Variants in PGC observed in about 807,000 individuals in gnomAD.
PGC encodes gastricsin.
Under a neutral mutation model 45.9 loss-of-function variants are expected in PGC, and 31 were observed. The ratio of observed to expected loss-of-function variants is 0.67; its 90% CI spans 0.51 to 0.91. The LOEUF is 0.91. Ranked by LOEUF, PGC falls within the 40% of genes least tolerant of loss-of-function variation. PGC has a pLI of 0.00. For synonymous variants in PGC, 192 were observed against 201.8 expected (o/e 0.95, Z 0.41); for missense variants, 477 against 493.2 (o/e 0.97, Z 0.31).
intron 7 of PGC, among the ~76,000 whole-genome samples, chr6:41,738,192 A>ATATATATACG (rs1771740115): frequency 5.5e-5 from 1 of 18,072 alleles, no homozygotes; most frequent in African/African-American, 9.9e-5. Context: ...ATATATATGC[A>ATATATATACG]TATATATATG....
rs1247590922 is a variant in PGC at position 41,744,045 on chromosome 6, A to G, written c.328+352T>C. ...GGTGGAGCAGAATAGAATGGAGTAG[A>G]ATGGAGTGGGATGGAGTGGGATGGA... On this transcript the variant is annotated intron_variant, in intron 3 of 8. Coordinates refer to ENST00000373025, the MANE Select transcript of PGC (RefSeq NM_002630.4). The surrounding 1 kb of genome is among the most constrained non-coding windows in gnomAD (Gnocchi z 4.4). 3.3e-5 allele frequency among the ~76,000 whole-genome samples: 5 copies of G among 152,042 alleles called. No homozygotes were observed. Among genetic ancestry groups the G allele is most frequent in the African/African-American group, 1.2e-4 (5 of 41,360 alleles).
At chr6:41,741,083 C>A (rs1461613429) in intron 5 of PGC, 1 of 1,537,234 alleles carries the variant, frequency 6.5e-7, no homozygotes, top group South Asian at 1.2e-5. Context: ...GTAGACATGT[C>A]ACCGGGATCC....
At chr6:41,741,287 CAG>C in intron 5 of PGC, 1 of 1,364,000 alleles carries the variant, frequency 7.3e-7, no homozygotes, top group Non-Finnish European at 9.7e-7. Context: ...ACATTAGTAA[CAG>C]GGTGAGGTCC....
At chr6:41,741,168 T>G in intron 5 of PGC, 1 of 1,535,420 alleles carries the variant, frequency 6.5e-7, no homozygotes, top group Non-Finnish European at 8.7e-7. Context: ...GGTAAGGATA[T>G]TCCATGTTTG....
Position 41,736,774 on chromosome 6 carries a change from G to T in PGC, c.*78C>A. On this transcript the variant is annotated 3_prime_UTR_variant, in exon 9 of 9. Coordinates refer to ENST00000373025, the MANE Select transcript of PGC (RefSeq NM_002630.4). ...CCAGAAAAAGAAGGCTGAATCCAGAGTGGAAAGACAGATACAATGCCCTAG... is the reference window on the plus strand; with the variant it reads ...CCAGAAAAAGAAGGCTGAATCCAGATTGGAAAGACAGATACAATGCCCTAG... 7.0e-7 allele frequency: 1 copy of T among 1,423,034 alleles called. No individual in the cohort carries two copies. Among genetic ancestry groups the T allele is most frequent in the African/African-American group, 1.4e-5 (1 of 71,260 alleles). The allele number at this position is 1,423,034 out of a possible 1,614,324, so 88.2% of individuals were successfully genotyped here.
At position 41,742,428 on chromosome 6, in the gene PGC, T is replaced by C. The variant is rs1771846595; in HGVS notation, c.509A>G (p.Asn170Ser). ...FGLSENEPGT[N>S]FVYAQFDGIM... ...GCCATCAAACTGCGCATAGACGAAGTTGGTACCAGGCTCATTCTCACTCAA... is the reference window on the plus strand; with the variant it reads ...GCCATCAAACTGCGCATAGACGAAGCTGGTACCAGGCTCATTCTCACTCAA... Residue 170 changes from asparagine to serine, a missense_variant, in exon 5 of 9, where the codon AAC becomes AGC. Asn to Ser is a conservative substitution (Grantham distance 46). Transcript: ENST00000373025. The C allele has an allele frequency of 1.9e-6, 3 of 1,614,084 alleles. No individual in the cohort carries two copies. In the East Asian group the frequency reaches 6.7e-5, roughly 36 times the overall value.
In PGC at chr6:41,742,465, G is replaced by C; in HGVS notation, c.472C>G (p.Gln158Glu). The change falls in exon 5 of 9, where the codon CAG becomes GAG. Residue 158 changes from glutamine to glutamate, a missense_variant. Physicochemically the swap from Gln to Glu is conservative, Grantham distance 29 (BLOSUM62 2). Transcript: ENST00000373025. ...LTVQSIQVPN[Q>E]EFGLSENEPG... ...TCATTCTCACTCAAGCCGAACTCCT[G>C]GTTGGGGACCTGGATGCTCTGGACC... 1.2e-6 allele frequency: 2 copies of C among 1,614,170 alleles called. No homozygotes were observed. Among genetic ancestry groups the C allele is most frequent in the Non-Finnish European group, 1.7e-6 (2 of 1,180,018 alleles).
At position 41,736,902 on chromosome 6, in the gene PGC, A is replaced by C; in HGVS notation, c.1117T>G (p.Ser373Ala). ...LGDVFLRSYY[S>A]VYDLGNNRVG... is the part of the protein sequence containing the mutation. ...CTGTTGTTGCCCAAGTCGTAGACGG[A>C]ATAGTAGGACCTGAGGAAGACATCC... Residue 373 changes from serine to alanine, a missense_variant, in exon 9 of 9, where the codon TCC (serine) becomes GCC (alanine). Transcript: ENST00000373025. The C allele has an allele frequency of 6.2e-7, 1 of 1,614,146 alleles. No homozygotes were observed. The highest frequency in any genetic ancestry group is 8.5e-7 in the Non-Finnish European group (1 of 1,180,014).
chr6:41,747,097 G>A (rs1340030650), intron 1 of PGC, among the ~76,000 whole-genome samples, 179 bp downstream of exon 1: 3 of 152,218 alleles, frequency 2.0e-5, no homozygotes, highest in African/African-American at 7.2e-5. Context: ...CCTGAAGGCA[G>A]GGGCTGTGTC....
rs532583639 is a variant in PGC, at chr6:41,744,886, C to G, written c.60-78G>C. The G allele has an allele frequency of 9.1e-6, 12 of 1,317,426 alleles. No individual in the cohort carries two copies. Among genetic ancestry groups the G allele is most frequent in the Non-Finnish European group, 1.3e-5 (12 of 949,846 alleles). The allele number at this position is 1,317,426 out of a possible 1,614,324, so 81.6% of individuals were successfully genotyped here. On this transcript the variant is annotated intron_variant, in intron 1 of 8. Transcript: ENST00000373025. The surrounding 1 kb of genome is among the most constrained non-coding windows in gnomAD (Gnocchi z 4.4). ...CTCCTCTCTTTCTCTCTCTCCTTCTCTTAACTGCATGCTTCAACCTCCCTG... is the reference window on the plus strand; with the variant it reads ...CTCCTCTCTTTCTCTCTCTCCTTCTGTTAACTGCATGCTTCAACCTCCCTG...
At position 41,737,906 on chromosome 6, in the gene PGC, A is replaced by T. The variant is rs527343642; in HGVS notation, c.916-78T>A. 3.3e-4 allele frequency: 283 copies of T among 861,680 alleles called. No individual in the cohort carries two copies. In the African/African-American group the frequency reaches 3.8e-3, roughly 12 times the overall value. 53.4% of individuals were successfully genotyped at this position (861,680 alleles called of 1,614,324 possible). On this transcript the variant is annotated intron_variant, in intron 7 of 8. Coordinates refer to ENST00000373025, the MANE Select transcript of PGC (RefSeq NM_002630.4). ...CCAGCCCCATCATCTCAGCCCCTGG[A>T]TCCCAGGCCTGAGCTCCGGGCCCAA...
In PGC at chr6:41,743,200, G is replaced by GA. The variant is rs1432180972; in HGVS notation, c.447+70dup. 3.3e-6 allele frequency: 3 copies of GA among 918,622 alleles called. No homozygotes were observed. The African/African-American group carries it at 4.9e-5, about 15-fold the overall frequency. The allele number at this position is 918,622 out of a possible 1,614,324, so 56.9% of individuals were successfully genotyped here. ...ACACTAGCATTCCACCGTGTTTCAGGAGAGTCCATCTAACTGTCCCCTCCA... is the reference window on the plus strand; with the variant it reads ...ACACTAGCATTCCACCGTGTTTCAGGAAGAGTCCATCTAACTGTCCCCTCCA... On this transcript the variant is annotated intron_variant, in intron 4 of 8. Transcript: ENST00000373025.
chr6:41,737,334 T>C (rs1389338172), intron 8 of PGC, among the ~76,000 whole-genome samples: 1 of 152,198 alleles, frequency 6.6e-6, no homozygotes, highest in Non-Finnish European at 1.5e-5. Context: ...AATTCAAACC[T>C]TAGCTGTGTC....
chr6:41,740,976 C>G (rs1359318076), intron 5 of PGC: 3 of 1,521,656 alleles, frequency 2.0e-6, no homozygotes, highest in Non-Finnish European at 2.6e-6. Context: ...CCCAGCGCCT[C>G]AGGCTCCCGA....
chr6:41,742,843 C>T (rs1340671873), intron 4 of PGC, among the ~76,000 whole-genome samples: 2 of 152,174 alleles, frequency 1.3e-5, no homozygotes, highest in Non-Finnish European at 2.9e-5. Flanking sequence ...CCAGGATGGT[C>T]TCTATCTCTT....
chr6:41,738,453 C>A (rs2395785), intron 7 of PGC, among the ~76,000 whole-genome samples: 4 of 149,818 alleles, frequency 2.7e-5, no homozygotes, highest in Non-Finnish European at 5.9e-5. Flanking sequence ...CATGATGAAA[C>A]CCCGCCTCCA....
Position 41,744,643 on chromosome 6 carries a change from A to T in PGC, c.210+15T>A. 1.9e-6 allele frequency: 3 copies of T among 1,613,578 alleles called. No individual in the cohort carries two copies. The highest frequency in any genetic ancestry group is 1.6e-4 in the Middle Eastern group (1 of 6,062). On this transcript the variant is annotated intron_variant, in intron 2 of 8. Transcript: ENST00000373025. This position sits in a 1 kb window ranked among gnomAD's most constrained non-coding sequence, Gnocchi z 4.4. ...ACCAGAGAGAAGGCTACCGCCAGAA[A>T]GGGTCAGGACTCACATCCATGTAGG...
At chr6:41,738,053 T>C (rs2127287087) in intron 7 of PGC, among the ~76,000 whole-genome samples, 1 of 151,142 alleles carries the variant, frequency 6.6e-6, no homozygotes, top group East Asian at 1.9e-4. Flanking sequence ...CAGAGCCTCC[T>C]AACTCCTCTT....
At chr6:41,745,776 C>T (rs998422925) in intron 1 of PGC, among the ~76,000 whole-genome samples, 4 of 151,418 alleles carry the variant, frequency 2.6e-5, no homozygotes, top group Admixed American at 6.6e-5. Context: ...CTCAAACTCC[C>T]GACCTCAAAT....
Sources: gnomAD v4.1 joint callset for allele counts (sites outside exome capture counted in the v4.1 genomes callset) on GRCh38, gnomAD v4.1.1 for gene constraint, Gnocchi (gnomAD v3.1) non-coding constraint, MANE v1.5 for transcripts, NCBI Gene and HGNC (gene_info 2026-07-23, HGNC 2026-07-21) for gene names.